ROBO1: variants seen among roughly 807,000 people sequenced by gnomAD.
ROBO1 encodes roundabout guidance receptor 1.
Under a neutral mutation model 195.9 loss-of-function variants are expected in ROBO1, and 149 were observed. That is an observed-to-expected ratio of 0.76 (90% CI 0.67 to 0.87). The LOEUF is 0.87. Ranked by LOEUF, ROBO1 falls within the 40% of genes least tolerant of loss-of-function variation. The pLI, the probability that ROBO1 is intolerant of heterozygous loss-of-function variation, is 0.00. For synonymous variants in ROBO1, 816 were observed against 733.2 expected, an observed-to-expected ratio of 1.11 and a Z score of -1.82; for missense variants, 1,933 against 2,068.3, an observed-to-expected ratio of 0.93 and a Z score of 1.27.
chr3:78,945,870 C>G (rs1309911648), intron 3 of ROBO1, among the ~76,000 whole-genome samples: 1 of 151,742 alleles, frequency 6.6e-6, no homozygotes, highest in Non-Finnish European at 1.5e-5. Context: ...TACGTGACAA[C>G]TGTAGAAGCC....
At position 79,583,088 on chromosome 3, in the gene ROBO1, C is replaced by T. The variant is rs193296430; in HGVS notation, c.88+6736G>A. On this transcript the variant is annotated intron_variant, in intron 2 of 30. Transcript: ENST00000464233. ...CCTATTAACATCTAAGACAAGACCT[C>T]ATCCTTGCTAACGTGTATGTTTTCT... Among the ~76,000 whole-genome samples, 338 of 152,100 alleles carry T rather than the reference C, an allele frequency of 2.2e-3. 10 individuals are homozygous for T. Among genetic ancestry groups the T allele is most frequent in the Non-Finnish European group, 3.1e-4 (21 of 67,942 alleles).
At chr3:79,684,189 C>T (rs1159658296) in intron 1 of ROBO1, among the ~76,000 whole-genome samples, 1 of 152,080 alleles carries the variant, frequency 6.6e-6, no homozygotes, top group Non-Finnish European at 1.5e-5. Context: ...TAAGCACTTC[C>T]CTAATGATTA....
chr3:79,602,664 A>G (rs1032452628), intron 1 of ROBO1, among the ~76,000 whole-genome samples: 13 of 152,040 alleles, frequency 8.6e-5, no homozygotes, highest in Admixed American at 4.6e-4. Context: ...AATTTAATTT[A>G]TTTGACTAAT....
At chr3:79,488,908 AC>A (rs1229267927) in intron 2 of ROBO1, among the ~76,000 whole-genome samples, 1 of 152,160 alleles carries the variant, frequency 6.6e-6, no homozygotes, top group East Asian at 1.9e-4. Context: ...TTTATTTATA[AC>A]TTTTGATGAA....
At chr3:79,616,073 T>G (rs1576121956) in intron 1 of ROBO1, among the ~76,000 whole-genome samples, 1 of 152,294 alleles carries the variant, frequency 6.6e-6, no homozygotes, top group East Asian at 1.9e-4. Context: ...AGCCAAATTG[T>G]TGGAGAGCTA....
At chr3:79,210,583 T>G (rs918673860) in intron 2 of ROBO1, among the ~76,000 whole-genome samples, 2 of 152,096 alleles carry the variant, frequency 1.3e-5, no homozygotes, top group Non-Finnish European at 2.9e-5. Flanking sequence ...TCTTTTCATA[T>G]GAGAAAAGGA....
chr3:78,731,444 G>GA, intron 5 of ROBO1, among the ~76,000 whole-genome samples: 1 of 152,082 alleles, frequency 6.6e-6, no homozygotes, highest in Admixed American at 6.5e-5. Flanking sequence ...TAAAATCAAT[G>GA]AAAAAAGCTT....
In ROBO1 at chr3:79,683,902, T is replaced by C. The variant is rs140121241; in HGVS notation, c.-51+83850A>G. Among the ~76,000 whole-genome samples the C allele has an allele frequency of 3.3e-4, 51 of 152,292 alleles. No individual in the cohort carries two copies. In the East Asian group the frequency reaches 9.7e-3, roughly 29 times the overall value. On this transcript the variant is annotated intron_variant, in intron 1 of 30. Coordinates refer to ENST00000464233, the MANE Select transcript of ROBO1 (RefSeq NM_002941.4). The stretch of plus-strand genomic sequence containing the variant: ...ATATTTTAATTATGAATAATACTCT[T>C]ATGAATATTCCCGTACACGTTTTTG...
At chr3:78,876,674 C>T (rs971586915) in intron 4 of ROBO1, among the ~76,000 whole-genome samples, 6 of 152,182 alleles carry the variant, frequency 3.9e-5, no homozygotes, top group Non-Finnish European at 8.8e-5. Context: ...ACTAATACAG[C>T]TGTCCGATGA....
chr3:79,438,745 T>C (rs1025537418), intron 2 of ROBO1, among the ~76,000 whole-genome samples: 2 of 152,100 alleles, frequency 1.3e-5, no homozygotes. Context: ...CATTTCTATT[T>C]ACATAACAAT....
intron 2 of ROBO1, among the ~76,000 whole-genome samples, chr3:79,466,448 C>T (rs1042512419): frequency 1.2e-4 from 19 of 152,048 alleles, no homozygotes; most frequent in Non-Finnish European, 2.4e-4. Flanking sequence ...ACAAAGAGAT[C>T]GATACAGCTC....
chr3:79,055,082 C>T (rs1559625274), intron 3 of ROBO1, among the ~76,000 whole-genome samples: 2 of 152,074 alleles, frequency 1.3e-5, no homozygotes, highest in Non-Finnish European at 2.9e-5. Flanking sequence ...GGGTCACTGG[C>T]CCTTTACCTC....
chr3:79,415,293 G>A (rs2037953538), intron 2 of ROBO1, among the ~76,000 whole-genome samples: 1 of 152,104 alleles, frequency 6.6e-6, no homozygotes, highest in Admixed American at 6.6e-5. Context: ...AGAAATGGAC[G>A]CTGTATAATA....
chr3:78,873,911 G>T (rs190481672), intron 4 of ROBO1, among the ~76,000 whole-genome samples: 204 of 152,048 alleles, frequency 1.3e-3, no homozygotes, highest in African/African-American at 4.7e-3. Context: ...GAGGAAACAA[G>T]GACTTTGGAA....
chr3:79,744,115 T>G (rs1703769834), intron 1 of ROBO1, among the ~76,000 whole-genome samples: 1 of 152,188 alleles, frequency 6.6e-6, no homozygotes, highest in African/African-American at 2.4e-5. Context: ...TGCAGTAAAT[T>G]TTTTTACATC....
At chr3:79,420,279 G>A (rs944102977) in intron 2 of ROBO1, among the ~76,000 whole-genome samples, 1 of 152,090 alleles carries the variant, frequency 6.6e-6, no homozygotes, top group Non-Finnish European at 1.5e-5. Context: ...AAAAAAGAAT[G>A]CTTTATTCAA....
intron 2 of ROBO1, among the ~76,000 whole-genome samples, chr3:79,584,008 A>G (rs1576068899): frequency 6.6e-6 from 1 of 152,020 alleles, no homozygotes; most frequent in East Asian, 1.9e-4. Flanking sequence ...TGAAAAGATA[A>G]AACATTCTGT....
At chr3:79,179,042 A>G (rs2108725830) in intron 2 of ROBO1, among the ~76,000 whole-genome samples, 1 of 152,318 alleles carries the variant, frequency 6.6e-6, no homozygotes, top group African/African-American at 2.4e-5. Flanking sequence ...AATTCCATTT[A>G]TCTCAGCCTG....
intron 4 of ROBO1, chr3:78,937,910 A>T (rs2039898103): frequency 6.6e-6 from 1 of 152,092 alleles, no homozygotes; most frequent in African/African-American, 2.4e-5. Flanking sequence ...ATTTTTCTTA[A>T]TGAAGACAAA....
Sources: allele counts gnomAD v4.1 joint callset (sites outside exome capture counted in the v4.1 genomes callset), GRCh38; gene constraint gnomAD v4.1.1; transcripts MANE v1.5; gene names NCBI Gene and HGNC (gene_info 2026-07-23, HGNC 2026-07-21).